Variants in DUSP22 observed in about 807,000 individuals in gnomAD.
DUSP22 encodes dual specificity protein phosphatase 22.
Under a neutral mutation model 24.5 loss-of-function variants are expected in DUSP22, and 24 were observed. The ratio of observed to expected loss-of-function variants is 0.98; its 90% CI spans 0.71 to 1.38. DUSP22 has a LOEUF of 1.38. DUSP22 is among the 40% of genes most tolerant of loss of function. The probability of loss-of-function intolerance (pLI) is 0.00; values close to 1 mark genes in which losing one functional copy is unlikely to be tolerated. For missense variants in DUSP22, 330 were observed against 269.2 expected, an observed-to-expected ratio of 1.23 and a Z score of -1.58; for synonymous variants, 160 against 106.4, an observed-to-expected ratio of 1.50 and a Z score of -3.10.
Position 349,295 on chromosome 6 carries a change from A to G in DUSP22, c.*344A>G. ...TGAGGGTATGTGCACCTAAGTGTGTACATGTGTGTATGTTGTGAAAGTGTC... is the reference window on the plus strand; with the variant it reads ...TGAGGGTATGTGCACCTAAGTGTGTGCATGTGTGTATGTTGTGAAAGTGTC... On this transcript the variant is annotated 3_prime_UTR_variant, in exon 7 of 7. Coordinates refer to ENST00000419235, the MANE Select transcript of DUSP22 (RefSeq NM_001286555.3). 1 of 1,233,220 alleles carries G rather than the reference A, an allele frequency of 8.1e-7. No homozygotes were observed. Among genetic ancestry groups the G allele is most frequent in the Non-Finnish European group, 1.0e-6 (1 of 978,432 alleles). The allele number at this position is 1,233,220 out of a possible 1,614,324, so 76.4% of individuals were successfully genotyped here. A position where few individuals can be genotyped will look rare whatever the true frequency, so the allele number is the denominator to read the frequency against.
At chr6:317,170 C>T (rs1758371300) in intron 3 of DUSP22, among the ~76,000 whole-genome samples, 1 of 152,308 alleles carries the variant, frequency 6.6e-6, no homozygotes, top group Non-Finnish European at 1.5e-5. Flanking sequence ...TCTTTATTTA[C>T]CTGCTTATTG....
chr6:319,772 T>C lies in DUSP22; in HGVS notation c.138+7810T>C, dbSNP rs1296039966. 3.3e-5 allele frequency among the ~76,000 whole-genome samples: 5 copies of C among 152,422 alleles called. No homozygotes were observed. In the South Asian group the frequency reaches 6.2e-4, roughly 19 times the overall value. The stretch of plus-strand genomic sequence containing the variant: ...GACAGTTGTTTCCAGCACACCTCAG[T>C]TGTTTTCATCTCTCTAGGAAAACCT... On this transcript the variant is annotated intron_variant, in intron 3 of 6. Coordinates refer to ENST00000419235, the MANE Select transcript of DUSP22 (RefSeq NM_001286555.3).
chr6:299,904 A>G (rs1325945000), intron 1 of DUSP22, among the ~76,000 whole-genome samples: 1 of 152,386 alleles, frequency 6.6e-6, no homozygotes, highest in African/African-American at 2.4e-5. Context: ...ACTCATCATC[A>G]TTTTTTCTCT....
rs2127423602 is a variant in DUSP22, at chr6:348,242, C to G, written c.403C>G (p.Leu135Val). ...ANPNVGFQRQLQEFEKHEVHQ... is the reference protein window; with the variant it reads ...ANPNVGFQRQVQEFEKHEVHQ... Reference sequence around the variant, plus strand: ...CCCCAACGTGGGCTTCCAGAGACAGCTCCAGGAGTTTGAGAAGCATGAGGT... The same window carrying G: ...CCCCAACGTGGGCTTCCAGAGACAGGTCCAGGAGTTTGAGAAGCATGAGGT... Residue 135 changes from leucine (L) to valine (V), a missense_variant, in exon 6 of 7, where the codon CTC (leucine) becomes GTC (valine). By Grantham distance (32) the Leu-to-Val change is conservative. Transcript: ENST00000419235. 1 of 1,614,314 alleles carries G rather than the reference C, an allele frequency of 6.2e-7. No homozygotes were observed. The highest frequency in any genetic ancestry group is 8.5e-7 in the Non-Finnish European group (1 of 1,180,060).
chr6:322,968 C>A (rs1046660191), intron 3 of DUSP22, among the ~76,000 whole-genome samples: 1 of 152,292 alleles, frequency 6.6e-6, no homozygotes, highest in African/African-American at 2.4e-5. Context: ...AAAATGCGCC[C>A]TAGTTTACCA....
intron 2 of DUSP22, among the ~76,000 whole-genome samples, chr6:310,388 G>C (rs573373954): frequency 6.6e-6 from 1 of 152,306 alleles, no homozygotes; most frequent in African/African-American, 2.4e-5. Flanking sequence ...TTAGTAGAAG[G>C]GTTCCACTTC....
chr6:296,671 A>G (rs1489755599), intron 1 of DUSP22, among the ~76,000 whole-genome samples: 2 of 152,302 alleles, frequency 1.3e-5, no homozygotes, highest in Non-Finnish European at 2.9e-5. Context: ...CTTCAGTACT[A>G]CAATACCCCA....
intron 3 of DUSP22, among the ~76,000 whole-genome samples, chr6:323,088 A>C (rs1758686351): frequency 6.6e-6 from 1 of 152,304 alleles, no homozygotes; most frequent in Non-Finnish European, 1.5e-5. Context: ...GAAGTGCTCC[A>C]ATCTTATTTT....
chr6:301,087 G>A (rs1320662799), intron 1 of DUSP22, among the ~76,000 whole-genome samples: 2 of 152,304 alleles, frequency 1.3e-5, no homozygotes, highest in South Asian at 2.1e-4. Context: ...AAAGGCTTAC[G>A]TGAGCAGGTA....
intron 3 of DUSP22, chr6:325,861 T>C (rs1758842678): frequency 5.5e-6 from 1 of 180,448 alleles, no homozygotes; most frequent in African/African-American, 2.6e-5. Flanking sequence ...TGCAATGCTG[T>C]ATCTGCTGGT....
chr6:331,435 T>C (rs1369930914), intron 3 of DUSP22, among the ~76,000 whole-genome samples: 1 of 152,312 alleles, frequency 6.6e-6, no homozygotes, highest in Non-Finnish European at 1.5e-5. Context: ...TATTGCTTTT[T>C]TTTTAACCTC....
rs576255874 is a variant in DUSP22, at chr6:351,294, G to A, written c.*2343G>A. 233 of 191,744 alleles carry A rather than the reference G, an allele frequency of 1.2e-3. No homozygotes were observed. The highest frequency in any genetic ancestry group is 3.4e-3 in the Admixed American group (61 of 17,870). 11.9% of individuals were successfully genotyped at this position (191,744 alleles called of 1,614,324 possible). A position where few individuals can be genotyped will look rare whatever the true frequency, so the allele number is the denominator to read the frequency against. On this transcript the variant is annotated 3_prime_UTR_variant, in exon 7 of 7. Transcript: ENST00000419235. ...GTTTTATCTCTGGTTTGTGTTCTCC[G>A]TGGTGGAATTGACCGAAAGCTCTAT...
At chr6:330,857 AT>A (rs1458287882) in intron 3 of DUSP22, among the ~76,000 whole-genome samples, 7 of 152,284 alleles carry the variant, frequency 4.6e-5, no homozygotes, top group African/African-American at 1.7e-4. Context: ...CATCTTCCAA[AT>A]TTTTACATCA....
intron 2 of DUSP22, among the ~76,000 whole-genome samples, chr6:305,868 G>A (rs889857489): frequency 1.8e-3 from 269 of 152,328 alleles, no homozygotes; most frequent in Non-Finnish European, 3.2e-3. Context: ...GGCCACTCCT[G>A]TTGGCTTTCT....
intron 4 of DUSP22, among the ~76,000 whole-genome samples, chr6:341,114 G>T (rs1015080620): frequency 2.0e-5 from 3 of 152,420 alleles, no homozygotes; most frequent in Admixed American, 1.3e-4. Context: ...TGCCCCTGCT[G>T]CAAGGACCGC....
At chr6:316,037 C>T (rs9328109) in intron 3 of DUSP22, among the ~76,000 whole-genome samples, 290 of 152,306 alleles carry the variant, frequency 1.9e-3, no homozygotes, top group African/African-American at 6.5e-3. Context: ...GGGCCTTTGG[C>T]GATGCCTAAG....
intron 3 of DUSP22, among the ~76,000 whole-genome samples, chr6:312,519 A>T (rs1758156529): frequency 6.6e-6 from 1 of 152,304 alleles, no homozygotes. Flanking sequence ...AAACATCTTT[A>T]AATTTACCCT....
chr6:336,557 A>G (rs1489512629), intron 4 of DUSP22, among the ~76,000 whole-genome samples: 2 of 152,310 alleles, frequency 1.3e-5, no homozygotes, highest in Admixed American at 6.5e-5. Context: ...TTTTTGGGAA[A>G]AAAAATAGAG....
At chr6:301,673 G>A (rs1029260966) in intron 1 of DUSP22, among the ~76,000 whole-genome samples, 9 of 152,292 alleles carry the variant, frequency 5.9e-5, no homozygotes, top group Non-Finnish European at 1.3e-4. Context: ...CCCGGGAGGA[G>A]GGGAGCAGAG....
Sources: gnomAD v4.1 joint callset for allele counts (sites outside exome capture counted in the v4.1 genomes callset) on GRCh38, gnomAD v4.1.1 for gene constraint, MANE v1.5 for transcripts, NCBI Gene and HGNC (gene_info 2026-07-23, HGNC 2026-07-21) for gene names.